Variants in SORCS3 observed in about 807,000 individuals in gnomAD.
SORCS3 encodes the protein VPS10 domain-containing receptor SorCS3.
SORCS3 carries 57 observed loss-of-function variants against 146.3 expected under a neutral mutation model. That is an observed-to-expected ratio of 0.39 (90% CI 0.31 to 0.49). The LOEUF (loss-of-function observed/expected upper bound fraction) is 0.49. Ranked by LOEUF, SORCS3 falls within the 20% of genes least tolerant of loss-of-function variation. The pLI, the probability that SORCS3 is intolerant of heterozygous loss-of-function variation, is 0.92. For synonymous variants in SORCS3, 653 were observed against 618.5 expected, an observed-to-expected ratio of 1.06 and a Z score of -0.83; for missense variants, 1,341 against 1,575.5, an observed-to-expected ratio of 0.85 and a Z score of 2.52.
chr10:104,939,086 A>G (rs1272846879), intron 3 of SORCS3, among the ~76,000 whole-genome samples: 1 of 152,212 alleles, frequency 6.6e-6, no homozygotes, highest in East Asian at 1.9e-4. Context: ...TATAGGATTA[A>G]TGGCTTCCAG....
Position 104,688,831 on chromosome 10 carries a change from G to A in SORCS3, c.627+46877G>A, listed in dbSNP as rs186155909. ...GCCAACTCCCAGGAACCTGCCCAACGTGGCCAGTTATTGGCAGCAAGTCCT... is the reference window on the plus strand; with the variant it reads ...GCCAACTCCCAGGAACCTGCCCAACATGGCCAGTTATTGGCAGCAAGTCCT... On this transcript the variant is annotated intron_variant, in intron 1 of 26. Coordinates refer to ENST00000369701, the MANE Select transcript of SORCS3 (RefSeq NM_014978.3). Among the ~76,000 whole-genome samples the A allele has an allele frequency of 1.4e-3, 215 of 152,256 alleles. 2 individuals are homozygous for A. Among genetic ancestry groups the A allele is most frequent in the Admixed American group, 0.012 (190 of 15,302 alleles).
chr10:104,723,779 C>T (rs2016583520), intron 1 of SORCS3, among the ~76,000 whole-genome samples: 1 of 152,280 alleles, frequency 6.6e-6, no homozygotes, highest in East Asian at 1.9e-4. Context: ...TCTGTTTTAT[C>T]AGAGACTAGG....
rs143514451 is a variant in SORCS3 at position 104,841,125 on chromosome 10, C to T, written c.628-1667C>T. Among the ~76,000 whole-genome samples the T allele has an allele frequency of 2.0e-5, 3 of 152,284 alleles. 1 individual carries two copies. The highest frequency in any genetic ancestry group is 7.2e-5 in the African/African-American group (3 of 41,564). On this transcript the variant is annotated intron_variant, in intron 1 of 26. Coordinates refer to ENST00000369701, the MANE Select transcript of SORCS3 (RefSeq NM_014978.3). Reference sequence around the variant, plus strand: ...AGAAATTATCTGGCAACTTGCTAGACACTTGGTGAGGCTATGGATAAGTTT... The same window carrying T: ...AGAAATTATCTGGCAACTTGCTAGATACTTGGTGAGGCTATGGATAAGTTT...
chr10:104,988,922 T>C (rs2054978121), intron 4 of SORCS3, among the ~76,000 whole-genome samples: 1 of 152,206 alleles, frequency 6.6e-6, no homozygotes, highest in South Asian at 2.1e-4. Flanking sequence ...AGTCTAGCAA[T>C]TTCCCCCAAT....
At chr10:105,239,675 A>G (rs941548152) in intron 20 of SORCS3, among the ~76,000 whole-genome samples, 2 of 152,228 alleles carry the variant, frequency 1.3e-5, no homozygotes, top group African/African-American at 4.8e-5. Context: ...GCACAGAGAC[A>G]GAGAAGTCAA....
At chr10:104,877,522 G>T (rs1375663146) in intron 2 of SORCS3, among the ~76,000 whole-genome samples, 1 of 152,132 alleles carries the variant, frequency 6.6e-6, no homozygotes, top group African/African-American at 2.4e-5. Context: ...GTATCTTGCT[G>T]TCTGCTATTC....
intron 19 of SORCS3, among the ~76,000 whole-genome samples, chr10:105,220,011 C>T (rs1279706200): frequency 6.6e-6 from 1 of 152,178 alleles, no homozygotes; most frequent in Non-Finnish European, 1.5e-5. Flanking sequence ...CTTGGCCTTA[C>T]CCTGGGCCAT....
At position 104,842,830 on chromosome 10, in the gene SORCS3, G is replaced by T. The variant is rs2018157910; in HGVS notation, c.666G>T (p.Leu222=). The T allele has an allele frequency of 6.2e-7, 1 of 1,613,776 alleles. No homozygotes were observed. The highest frequency in any genetic ancestry group is 8.5e-7 in the Non-Finnish European group (1 of 1,179,878). The change falls in exon 2 of 27, where the codon CTG becomes CTT. Residue 222 remains leucine (L), a synonymous_variant. Transcript: ENST00000369701. ...LILTKLYDFN[L]GSVTESSLWR... ...TGACGAAGCTGTATGACTTCAACCTGGGCAGCGTGACTGAGAGTTCACTAT... is the reference window on the plus strand; with the variant it reads ...TGACGAAGCTGTATGACTTCAACCTTGGCAGCGTGACTGAGAGTTCACTAT...
chr10:105,166,666 G>T (rs34355551), intron 12 of SORCS3, among the ~76,000 whole-genome samples: 4,514 of 152,154 alleles, frequency 0.03, 73 homozygotes, highest in South Asian at 0.061. Context: ...ATAACGTTAG[G>T]TCCCTGGAAG....
intron 1 of SORCS3, among the ~76,000 whole-genome samples, chr10:104,795,810 C>G (rs548272848): frequency 4.9e-4 from 74 of 152,338 alleles, no homozygotes; most frequent in Non-Finnish European, 9.1e-4. Context: ...AGGGAGCTAT[C>G]CTGGTGCTGG....
In SORCS3 at chr10:104,826,046, C is replaced by T. The variant is rs1463239105; in HGVS notation, c.628-16746C>T. On this transcript the variant is annotated intron_variant, in intron 1 of 26. Coordinates refer to ENST00000369701, the MANE Select transcript of SORCS3 (RefSeq NM_014978.3). ...TTGTTAATTTCTATATATCTTATCT[C>T]TCCCTTGGATCCCCTTGGAATAGAG... is the stretch of plus-strand genomic sequence containing the variant. Among the ~76,000 whole-genome samples, 4 of 152,178 alleles carry T rather than the reference C, an allele frequency of 2.6e-5. 1 individual carries two copies. Among genetic ancestry groups the T allele is most frequent in the African/African-American group, 4.8e-5 (2 of 41,440 alleles).
intron 21 of SORCS3, among the ~76,000 whole-genome samples, chr10:105,246,135 GATA>G (rs1288069714): frequency 2.0e-5 from 3 of 152,108 alleles, no homozygotes; most frequent in Admixed American, 6.6e-5. Flanking sequence ...TGCAAAACTA[GATA>G]ATAAGGCTAA....
At chr10:105,166,333 G>T (rs2056312607) in intron 12 of SORCS3, among the ~76,000 whole-genome samples, 1 of 152,108 alleles carries the variant, frequency 6.6e-6, no homozygotes, top group Admixed American at 6.6e-5. Flanking sequence ...TAGGCTGCAT[G>T]AACCACCATC....
At chr10:104,873,581 C>T (rs1589531818) in intron 2 of SORCS3, among the ~76,000 whole-genome samples, 1 of 152,204 alleles carries the variant, frequency 6.6e-6, no homozygotes, top group Admixed American at 6.5e-5. Flanking sequence ...CACCAGCATT[C>T]TCTTTTGGAT....
chr10:104,649,910 A>C (rs1166038898), intron 1 of SORCS3, among the ~76,000 whole-genome samples: 15 of 152,160 alleles, frequency 9.9e-5, no homozygotes, highest in Non-Finnish European at 2.2e-4. Context: ...ATCAAGGGAG[A>C]CTTCTTGAGG....
At chr10:104,832,922 C>T (rs1275030389) in intron 1 of SORCS3, among the ~76,000 whole-genome samples, 1 of 152,104 alleles carries the variant, frequency 6.6e-6, no homozygotes, top group Admixed American at 6.5e-5. Flanking sequence ...GATGTTCAGA[C>T]CTTGGTATTT....
intron 26 of SORCS3, among the ~76,000 whole-genome samples, chr10:105,263,050 C>T (rs2056971003): frequency 6.6e-6 from 1 of 152,246 alleles, no homozygotes; most frequent in Non-Finnish European, 1.5e-5. Context: ...TACACATTGG[C>T]TGTTACTGTT....
intron 4 of SORCS3, among the ~76,000 whole-genome samples, chr10:105,004,957 A>G (rs568604562): frequency 1.2e-4 from 19 of 152,336 alleles, no homozygotes; most frequent in African/African-American, 4.6e-4. Flanking sequence ...AGAGGCAACC[A>G]TGAATATGGA....
intron 3 of SORCS3, among the ~76,000 whole-genome samples, chr10:104,934,588 G>T (rs2050801): frequency 6.6e-6 from 1 of 151,904 alleles, no homozygotes; most frequent in Non-Finnish European, 1.5e-5. Flanking sequence ...CTGGATGTGC[G>T]CATAAGTGCA....
Sources: allele counts gnomAD v4.1 joint callset (sites outside exome capture counted in the v4.1 genomes callset), GRCh38; gene constraint gnomAD v4.1.1; transcripts MANE v1.5; gene names NCBI Gene and HGNC (gene_info 2026-07-23, HGNC 2026-07-21).